Variants in FNDC3B observed in about 807,000 individuals in gnomAD.
The protein encoded by FNDC3B is fibronectin type III domain containing 3B, also known as fibronectin type III domain-containing protein 3B.
A neutral mutation model predicts 151.5 loss-of-function variants in FNDC3B; 12 were observed. The observed-to-expected ratio is 0.08, with a 90% CI of 0.05 to 0.13. The LOEUF is 0.13. FNDC3B is among the 10% of genes least tolerant of loss of function. The probability of loss-of-function intolerance (pLI) is 1.00; values close to 1 mark genes in which losing one functional copy is unlikely to be tolerated. For synonymous variants in FNDC3B, 528 were observed against 549.0 expected (o/e 0.96, Z 0.54); for missense variants, 1,214 against 1,505.3 (o/e 0.81, Z 3.20).
At chr3:172,288,967 C>T (rs144805477) in intron 7 of FNDC3B, among the ~76,000 whole-genome samples, 8 of 152,340 alleles carry the variant, frequency 5.3e-5, no homozygotes, top group Admixed American at 2.0e-4. Flanking sequence ...TGCTTTTGCA[C>T]ATGACTAAAA....
At chr3:172,345,299 T>G (rs1389072744) in intron 19 of FNDC3B, among the ~76,000 whole-genome samples, 1 of 152,212 alleles carries the variant, frequency 6.6e-6, no homozygotes, top group Non-Finnish European at 1.5e-5. Flanking sequence ...AGAAGATGGA[T>G]AGTGATGAGC....
At chr3:172,357,097 A>G (rs974392646) in intron 22 of FNDC3B, among the ~76,000 whole-genome samples, 33 of 152,346 alleles carry the variant, frequency 2.2e-4, no homozygotes, top group Non-Finnish European at 4.1e-4. Context: ...TTGCATGTAA[A>G]ATGTGGTCCT....
chr3:172,132,214 G>T (rs971663199), intron 2 of FNDC3B, among the ~76,000 whole-genome samples: 1 of 152,132 alleles, frequency 6.6e-6, no homozygotes, highest in Non-Finnish European at 1.5e-5. Flanking sequence ...TAAGATGAAG[G>T]AGTACAGGAA....
chr3:172,169,690 G>A (rs1723192816), intron 3 of FNDC3B, among the ~76,000 whole-genome samples: 1 of 152,190 alleles, frequency 6.6e-6, no homozygotes, highest in Non-Finnish European at 1.5e-5. Flanking sequence ...GTCTCATTGG[G>A]AAGCATGTTA....
Position 172,179,855 on chromosome 3 carries a change from C to G in FNDC3B, c.187+46309C>G, listed in dbSNP as rs541850749. Among the ~76,000 whole-genome samples, 478 of 83,940 alleles carry G rather than the reference C, an allele frequency of 5.7e-3. 4 individuals carry two copies. Among genetic ancestry groups the G allele is most frequent in the African/African-American group, 0.027 (459 of 16,716 alleles). 55.1% of individuals were successfully genotyped at this position (83,940 alleles called of 152,430 possible). On this transcript the variant is annotated intron_variant, in intron 3 of 25. Coordinates refer to ENST00000415807, the MANE Select transcript of FNDC3B (RefSeq NM_022763.4). Reference sequence around the variant, plus strand: ...CCCAGGCAACAGAGTGAGGCCCTGTCTCCAAAAAAAAAAAAAAAAAAAAAA... The same window carrying G: ...CCCAGGCAACAGAGTGAGGCCCTGTGTCCAAAAAAAAAAAAAAAAAAAAAA...
chr3:172,293,694 A>T lies in FNDC3B; in HGVS notation c.850-1669A>T, dbSNP rs140366479. 2.3e-3 allele frequency among the ~76,000 whole-genome samples: 351 copies of T among 152,328 alleles called. 4 individuals are homozygous for T. The East Asian group carries it at 0.036, about 16-fold the overall frequency. ...TGAGGCCGGGCTGCGGTCTTTAAGG[A>T]TGAGCAGGAGTTTGACTAAATAATT... On this transcript the variant is annotated intron_variant, in intron 7 of 25. Transcript: ENST00000415807.
intron 3 of FNDC3B, among the ~76,000 whole-genome samples, chr3:172,150,731 TA>T (rs957618610): frequency 2.6e-5 from 4 of 152,130 alleles, no homozygotes; most frequent in African/African-American, 9.7e-5. Flanking sequence ...ATTTTTTATT[TA>T]AAAAAAGTTT....
intron 23 of FNDC3B, among the ~76,000 whole-genome samples, chr3:172,363,539 T>C (rs1734464194): frequency 6.6e-6 from 1 of 152,156 alleles, no homozygotes; most frequent in Non-Finnish European, 1.5e-5. Flanking sequence ...CCAAAAGTCC[T>C]AATCAGACAA....
intron 2 of FNDC3B, among the ~76,000 whole-genome samples, chr3:172,115,469 G>T (rs1048147620): frequency 2.6e-5 from 4 of 152,190 alleles, no homozygotes; most frequent in Non-Finnish European, 4.4e-5. Flanking sequence ...GCTGATGTTT[G>T]CTGCCTGCCC....
intron 6 of FNDC3B, among the ~76,000 whole-genome samples, chr3:172,284,121 G>A (rs577310923): frequency 5.9e-5 from 9 of 152,238 alleles, no homozygotes; most frequent in Admixed American, 1.3e-4. Flanking sequence ...GTCAAGAAGC[G>A]TCTGTTGAGC....
At chr3:172,227,021 C>T in intron 4 of FNDC3B, 74 bp downstream of exon 4, 1 of 1,036,398 alleles carries the variant, frequency 9.6e-7, no homozygotes, top group Non-Finnish European at 1.5e-6. Flanking sequence ...GTTGAGGCTT[C>T]AAAGCCATAT....
Position 172,112,474 on chromosome 3 carries a change from C to G in FNDC3B, c.-6C>G, listed in dbSNP as rs371167383. The G allele has an allele frequency of 1.8e-5, 29 of 1,608,346 alleles. No homozygotes were observed. Among genetic ancestry groups the G allele is most frequent in the Non-Finnish European group, 2.5e-5 (29 of 1,174,826 alleles). Reference sequence around the variant, plus strand: ...CAGGAAGCCAGTTGAGGGAAGTTCTCCATGAATGTACGTCACAATGATGAT... The same window carrying G: ...CAGGAAGCCAGTTGAGGGAAGTTCTGCATGAATGTACGTCACAATGATGAT... On this transcript the variant is annotated 5_prime_UTR_variant, in exon 2 of 26. Transcript: ENST00000415807.
chr3:172,059,985 T>G (rs530959179), intron 1 of FNDC3B, among the ~76,000 whole-genome samples: 1 of 152,330 alleles, frequency 6.6e-6, no homozygotes, highest in Non-Finnish European at 1.5e-5. Flanking sequence ...GCCTTCAGCT[T>G]TAGGGAATAC....
chr3:172,262,561 T>G (rs916338500), intron 6 of FNDC3B, among the ~76,000 whole-genome samples: 1 of 152,086 alleles, frequency 6.6e-6, no homozygotes, highest in African/African-American at 2.4e-5. Context: ...ATTTTAGAGT[T>G]TTGATGTGCT....
At chr3:172,282,691 C>T (rs1280314505) in intron 6 of FNDC3B, among the ~76,000 whole-genome samples, 1 of 152,208 alleles carries the variant, frequency 6.6e-6, no homozygotes, top group Admixed American at 6.5e-5. Context: ...TTCTCTTTCT[C>T]CCATCCACCT....
intron 3 of FNDC3B, among the ~76,000 whole-genome samples, chr3:172,191,035 T>C (rs926454269): frequency 6.6e-6 from 1 of 152,224 alleles, no homozygotes; most frequent in Non-Finnish European, 1.5e-5. Context: ...TATATTTTAA[T>C]CTTATTTCAC....
At chr3:172,206,671 A>G (rs1472185265) in intron 3 of FNDC3B, among the ~76,000 whole-genome samples, 1 of 150,716 alleles carries the variant, frequency 6.6e-6, no homozygotes, top group African/African-American at 2.4e-5. Flanking sequence ...AAAAAAAAAA[A>G]AAAAAAAAAA....
intron 6 of FNDC3B, among the ~76,000 whole-genome samples, chr3:172,263,611 T>TTG (rs1491044145): frequency 1.8e-5 from 2 of 109,490 alleles, no homozygotes; most frequent in African/African-American, 7.8e-5. Context: ...TTTTTTTTTT[T>TTG]GACACACTGA....
At chr3:172,265,952 A>C (rs1728904701) in intron 6 of FNDC3B, among the ~76,000 whole-genome samples, 1 of 152,250 alleles carries the variant, frequency 6.6e-6, no homozygotes, top group Non-Finnish European at 1.5e-5. Flanking sequence ...AAGTTAAAAG[A>C]AAAAGATAGG....
Sources: gnomAD v4.1 joint callset for allele counts (sites outside exome capture counted in the v4.1 genomes callset) on GRCh38, gnomAD v4.1.1 for gene constraint, MANE v1.5 for transcripts, NCBI Gene and HGNC (gene_info 2026-07-23, HGNC 2026-07-21) for gene names.